Variants in BIK observed in about 807,000 individuals in gnomAD.
The protein encoded by BIK is BCL2 interacting killer, also known as bcl-2-interacting killer.
Under a neutral mutation model 12.1 loss-of-function variants are expected in BIK, and 14 were observed. The observed-to-expected ratio is 1.16, with a 90% confidence interval of 0.77 to 1.81. BIK has a LOEUF of 1.81. Among genes scored for constraint, BIK ranks in the 40% most tolerant of loss-of-function variants. BIK has a pLI of 0.00. For missense variants in BIK, 215 were observed against 207.9 expected (o/e 1.03, Z -0.21); for synonymous variants, 86 against 92.3 (o/e 0.93, Z 0.39).
In BIK at chr22:43,128,540, ATG is replaced by A. The variant is rs1272881881; in HGVS notation, c.307_308del (p.Val103SerfsTer2). ...TACGACCAGACTGAGGACATCAGGG[ATG>A]TTCTTAGAAGTTTCATGGACGGTTT... is the stretch of plus-strand genomic sequence containing the variant. On this transcript the variant is annotated frameshift_variant, in exon 4 of 5. Transcript: ENST00000216115. LOFTEE classifies it high-confidence loss of function. The A allele has an allele frequency of 6.2e-7, 1 of 1,613,776 alleles. No homozygotes were observed. Among genetic ancestry groups the A allele is most frequent in the African/African-American group, 1.3e-5 (1 of 74,912 alleles).
At chr22:43,115,838 C>CCT (rs1188018722) in intron 1 of BIK, among the ~76,000 whole-genome samples, 7 of 152,080 alleles carry the variant, frequency 4.6e-5, no homozygotes, top group African/African-American at 1.7e-4. Flanking sequence ...CTCACTGCAA[C>CCT]CTCTGCCTCT....
intron 1 of BIK, among the ~76,000 whole-genome samples, chr22:43,117,239 AT>A (rs1930133029): frequency 6.6e-6 from 1 of 152,006 alleles, no homozygotes; most frequent in South Asian, 2.1e-4. Flanking sequence ...CGCTGAGCAC[AT>A]TTTGTAGGGT....
At chr22:43,113,626 T>G (rs10428048) in intron 1 of BIK, among the ~76,000 whole-genome samples, 1 of 151,692 alleles carries the variant, frequency 6.6e-6, no homozygotes, top group African/African-American at 2.4e-5. Flanking sequence ...ACTTTTTTTT[T>G]CCCCCATTTC....
At chr22:43,121,259 T>C (rs1601730759) in intron 1 of BIK, among the ~76,000 whole-genome samples, 1 of 151,342 alleles carries the variant, frequency 6.6e-6, no homozygotes, top group Admixed American at 6.6e-5. Context: ...GCAGGAAGGG[T>C]TGGGCTAGGG....
intron 3 of BIK, 138 bp downstream of exon 3, chr22:43,127,933 C>A: frequency 1.2e-6 from 1 of 851,856 alleles, no homozygotes; most frequent in Non-Finnish European, 1.8e-6. Context: ...TATACTGAAA[C>A]CCTTGGCTGC....
chr22:43,118,167 G>A (rs372198023), intron 1 of BIK, among the ~76,000 whole-genome samples: 1 of 151,986 alleles, frequency 6.6e-6, no homozygotes. Context: ...CCATGCAGGG[G>A]TGTGTGTGGG....
At chr22:43,116,991 G>T (rs1239034520) in intron 1 of BIK, among the ~76,000 whole-genome samples, 1 of 152,192 alleles carries the variant, frequency 6.6e-6, no homozygotes, top group East Asian at 1.9e-4. Flanking sequence ...GGGGGGAGCT[G>T]CAGCTCAGGG....
rs199726859 is a variant in BIK, at chr22:43,128,481, C to G, written c.261-15C>G. On this transcript the variant is annotated splice_polypyrimidine_tract_variant and intron_variant, in intron 3 of 4. Transcript: ENST00000216115. Reference sequence around the variant, plus strand: ...TGCAGTAATGGCTTTGTCCCCCCATCCTCTTTGTCTATAGCCTGGGTCTGG... The same window carrying G: ...TGCAGTAATGGCTTTGTCCCCCCATGCTCTTTGTCTATAGCCTGGGTCTGG... 6.2e-7 allele frequency: 1 copy of G among 1,611,560 alleles called. No individual in the cohort carries two copies. Among genetic ancestry groups the G allele is most frequent in the African/African-American group, 1.3e-5 (1 of 74,852 alleles).
chr22:43,120,230 C>G (rs1211610990), intron 1 of BIK, among the ~76,000 whole-genome samples: 1 of 152,198 alleles, frequency 6.6e-6, no homozygotes, highest in Non-Finnish European at 1.5e-5. Flanking sequence ...CTCTGTCACC[C>G]AGGTTGGAGT....
At chr22:43,124,297 C>T (rs1930273683) in intron 2 of BIK, 114 bp downstream of exon 2, 28 of 1,280,766 alleles carry the variant, frequency 2.2e-5, no homozygotes, top group Non-Finnish European at 2.7e-5. Context: ...CAGGCAGGGC[C>T]TCCGAGAGGA....
chr22:43,120,664 A>G (rs1005615669), intron 1 of BIK, among the ~76,000 whole-genome samples: 2 of 152,146 alleles, frequency 1.3e-5, no homozygotes, highest in African/African-American at 4.8e-5. Flanking sequence ...GCCAGGAGAG[A>G]CCAGAGCAGG....
chr22:43,127,641 G>A (rs1930343196), intron 2 of BIK, 56 bp from the exon 3 acceptor site: 1 of 1,472,822 alleles, frequency 6.8e-7, no homozygotes, highest in Non-Finnish European at 9.2e-7. Context: ...GTGGGTCCAG[G>A]TGCATGTGGC....
At chr22:43,112,009 A>G (rs942127376) in intron 1 of BIK, among the ~76,000 whole-genome samples, 8 of 151,964 alleles carry the variant, frequency 5.3e-5, no homozygotes, top group Admixed American at 5.2e-4. Flanking sequence ...CGGAAGGGCC[A>G]CTCCATCTCT....
At chr22:43,127,870 A>G in intron 3 of BIK, 75 bp downstream of exon 3, 1 of 1,383,516 alleles carries the variant, frequency 7.2e-7, no homozygotes, top group East Asian at 2.5e-5. Context: ...TGAACACAGC[A>G]CAGGGCTGGG....
intron 1 of BIK, among the ~76,000 whole-genome samples, chr22:43,111,574 C>T (rs1930012728): frequency 6.6e-6 from 1 of 152,168 alleles, no homozygotes; most frequent in African/African-American, 2.4e-5. Context: ...AGCTGGTCGT[C>T]GTCTGGGCTC....
At chr22:43,122,361 C>G (rs769868772) in intron 1 of BIK, among the ~76,000 whole-genome samples, 1 of 152,210 alleles carries the variant, frequency 6.6e-6, no homozygotes, top group Non-Finnish European at 1.5e-5. Context: ...TTCCTCCCAG[C>G]GTGCCAGGCC....
chr22:43,126,188 C>CTTTTTT (rs549572600), intron 2 of BIK, among the ~76,000 whole-genome samples: 1 of 137,184 alleles, frequency 7.3e-6, no homozygotes, highest in African/African-American at 2.8e-5. Context: ...GCATGCCCGG[C>CTTTTTT]TTTTTTTTTT....
At position 43,121,941 on chromosome 22, in the gene BIK, G is replaced by T. The variant is rs560602462; in HGVS notation, c.-7-2075G>T. ...AGGCGGGGTTTTACCATGTTGGCCA[G>T]GCTGGTCTCAAACTCCTGACCTCAG... On this transcript the variant is annotated intron_variant, in intron 1 of 4. Transcript: ENST00000216115. Among the ~76,000 whole-genome samples, 9 of 152,344 alleles carry T rather than the reference G, an allele frequency of 5.9e-5. No individual in the cohort carries two copies. The East Asian group carries it at 1.3e-3, about 23-fold the overall frequency.
At chr22:43,127,971 G>A (rs1405923292) in intron 3 of BIK, among the ~76,000 whole-genome samples, 176 bp downstream of exon 3, 1 of 152,134 alleles carries the variant, frequency 6.6e-6, no homozygotes, top group Non-Finnish European at 1.5e-5. Flanking sequence ...GGAGCCCCCA[G>A]CTCCTGGCAC....
Sources: gnomAD v4.1 joint callset for allele counts (sites outside exome capture counted in the v4.1 genomes callset) on GRCh38, gnomAD v4.1.1 for gene constraint, MANE v1.5 for transcripts, NCBI Gene and HGNC (gene_info 2026-07-23, HGNC 2026-07-21) for gene names.